TSHZ2: variants seen among roughly 807,000 people sequenced by gnomAD.
The protein encoded by TSHZ2 is teashirt homolog 2.
A neutral mutation model predicts 74.4 loss-of-function variants in TSHZ2; 21 were observed. The observed-to-expected ratio is 0.28, with a 90% confidence interval of 0.20 to 0.41. The LOEUF (loss-of-function observed/expected upper bound fraction) is 0.41, where lower values mean the gene tolerates loss of function less well. TSHZ2 is among the 10% of genes least tolerant of loss of function. TSHZ2 has a pLI of 1.00. For missense variants in TSHZ2, 1,244 were observed against 1,293.5 expected (o/e 0.96, Z 0.59); for synonymous variants, 540 against 515.3 (o/e 1.05, Z -0.65).
At chr20:53,123,994 A>C (rs1189168530) in intron 1 of TSHZ2, among the ~76,000 whole-genome samples, 1 of 152,200 alleles carries the variant, frequency 6.6e-6, no homozygotes, top group African/African-American at 2.4e-5. Flanking sequence ...TGATAGAGAA[A>C]GCAAACTTCA....
At position 53,185,587 on chromosome 20, in the gene TSHZ2, T is replaced by G. The variant is rs1988579508; in HGVS notation, c.41-67912T>G. ...GTGAGCTGAGATCACGCCACTGCAC[T>G]CCAGCTGGGGATACAGAGCAAGACT... is the stretch of plus-strand genomic sequence containing the variant. On this transcript the variant is annotated intron_variant, in intron 1 of 2. Transcript: ENST00000371497. 3 of 1,526,450 alleles carry G rather than the reference T, an allele frequency of 2.0e-6. No homozygotes were observed. The Admixed American group carries it at 5.9e-5, about 30-fold the overall frequency. The allele number at this position is 1,526,450 out of a possible 1,614,324, so 94.6% of individuals were successfully genotyped here.
At chr20:52,981,616 T>C (rs1168411067) in intron 1 of TSHZ2, among the ~76,000 whole-genome samples, 1 of 152,082 alleles carries the variant, frequency 6.6e-6, no homozygotes, top group Non-Finnish European at 1.5e-5. Flanking sequence ...AAACCAGATA[T>C]GGATGGATTT....
At chr20:53,251,172 G>A (rs1258441529) in intron 1 of TSHZ2, among the ~76,000 whole-genome samples, 2 of 152,130 alleles carry the variant, frequency 1.3e-5, no homozygotes, top group Non-Finnish European at 2.9e-5. Flanking sequence ...GTTACCCACA[G>A]GTGTTGTCAC....
At chr20:53,003,619 G>T (rs1982525401) in intron 1 of TSHZ2, among the ~76,000 whole-genome samples, 1 of 152,248 alleles carries the variant, frequency 6.6e-6, no homozygotes, top group South Asian at 2.1e-4. Context: ...TAGTTGGCAG[G>T]CAGAGTGTTT....
intron 2 of TSHZ2, among the ~76,000 whole-genome samples, chr20:53,296,035 CA>C (rs35311773): frequency 0.11 from 10,513 of 97,830 alleles, 1,100 homozygotes; most frequent in African/African-American, 0.31. Context: ...GTAATGACTG[CA>C]AAAAAAAAAA....
At chr20:53,123,841 A>G (rs1204460334) in intron 1 of TSHZ2, among the ~76,000 whole-genome samples, 1 of 152,176 alleles carries the variant, frequency 6.6e-6, no homozygotes, top group Non-Finnish European at 1.5e-5. Flanking sequence ...GAACCCATAC[A>G]TGCCTGGTTC....
At chr20:53,415,765 T>C (rs369976567) in intron 2 of TSHZ2, among the ~76,000 whole-genome samples, 1 of 1,516 alleles carries the variant, frequency 6.6e-4, no homozygotes, top group African/African-American at 2.2e-3. Context: ...ACATGCATGC[T>C]TGTGTACTAT....
chr20:53,480,280 G>A (rs547277487), intron 2 of TSHZ2, among the ~76,000 whole-genome samples: 31 of 151,886 alleles, frequency 2.0e-4, no homozygotes, highest in African/African-American at 7.5e-4. Context: ...TGTTGGCCAG[G>A]CTGGTCTTTA....
chr20:53,105,718 C>T (rs1405254760), intron 1 of TSHZ2, among the ~76,000 whole-genome samples: 1 of 151,928 alleles, frequency 6.6e-6, no homozygotes, highest in Non-Finnish European at 1.5e-5. Flanking sequence ...GCAATCACAC[C>T]CCACTATAGC....
In TSHZ2 at chr20:53,435,670, C is replaced by T. The variant is rs527687898; in HGVS notation, c.*9-51474C>T. The stretch of plus-strand genomic sequence containing the variant: ...CTGGGATTACAGGCGCGTGTCACCA[C>T]GCCTGGCTAATTTTTTGTATTTTTA... On this transcript the variant is annotated intron_variant, in intron 2 of 2. Transcript: ENST00000371497. Among the ~76,000 whole-genome samples, 10 of 152,266 alleles carry T rather than the reference C, an allele frequency of 6.6e-5. No homozygotes were observed. The East Asian group carries it at 1.7e-3, about 26-fold the overall frequency.
chr20:53,211,377 C>A (rs1989300195), intron 1 of TSHZ2, among the ~76,000 whole-genome samples: 1 of 152,128 alleles, frequency 6.6e-6, no homozygotes, highest in African/African-American at 2.4e-5. Context: ...CCATTAAGCA[C>A]TGTAGGCTCA....
rs771576075 is a variant in TSHZ2 at position 53,255,596 on chromosome 20, T to G, written c.2138T>G (p.Leu713Trp). Residue 713 changes from leucine (L) to tryptophan (W), a missense_variant, in exon 2 of 3, where the codon TTG becomes TGG. By Grantham distance (61) the Leu-to-Trp change is moderately conservative. Transcript: ENST00000371497. This position sits in a 1 kb window ranked among gnomAD's most constrained non-coding sequence, Gnocchi z 4.1. ...NNHLGKATEP[L>W]RSPSCSSPSS... ...CACTTGGGCAAAGCCACGGAGCCCTTGCGCTCACCTTCCTGCTCCAGCCCA... is the reference window on the plus strand; with the variant it reads ...CACTTGGGCAAAGCCACGGAGCCCTGGCGCTCACCTTCCTGCTCCAGCCCA... The G allele has an allele frequency of 2.0e-5, 32 of 1,583,620 alleles. No individual in the cohort carries two copies. The highest frequency in any genetic ancestry group is 2.5e-5 in the Non-Finnish European group (29 of 1,165,486).
At chr20:53,107,244 T>C (rs987404478) in intron 1 of TSHZ2, among the ~76,000 whole-genome samples, 12 of 152,180 alleles carry the variant, frequency 7.9e-5, no homozygotes, top group African/African-American at 2.9e-4. Context: ...GTTGAGAACA[T>C]AAACTCTGGA....
In TSHZ2 at chr20:53,079,983, A is replaced by G. The variant is rs148422517; in HGVS notation, c.40+106650A>G. On this transcript the variant is annotated intron_variant, in intron 1 of 2. Coordinates refer to ENST00000371497, the MANE Select transcript of TSHZ2 (RefSeq NM_173485.6). ...AGTCTCTTCAAGTTGTTGTTGCCCA[A>G]TGAAAACTTGTTGCCTAGCTAACTG... Among the ~76,000 whole-genome samples the G allele has an allele frequency of 4.2e-3, 647 of 152,296 alleles. 11 individuals carry two copies. Among genetic ancestry groups the G allele is most frequent in the East Asian group, 0.032 (166 of 5,176 alleles).
At chr20:53,233,874 G>T (rs984770671) in intron 1 of TSHZ2, among the ~76,000 whole-genome samples, 1 of 152,102 alleles carries the variant, frequency 6.6e-6, no homozygotes, top group African/African-American at 2.4e-5. Flanking sequence ...GACATGGAAG[G>T]GTGCAATAAA....
rs1440485612 is a variant in TSHZ2 at position 53,255,005 on chromosome 20, T to A, written c.1547T>A (p.Ile516Asn). 6.2e-7 allele frequency: 1 copy of A among 1,614,118 alleles called. No individual in the cohort carries two copies. ...GATGGCTCAAAGGGTGGAGGGGACA[T>A]TTTGAAATCTTTGGAAAATACTGTC... is the stretch of plus-strand genomic sequence containing the variant. Reference protein sequence around the residue: ...LEDGSKGGGDILKSLENTVTT... With the variant: ...LEDGSKGGGDNLKSLENTVTT... The change falls in exon 2 of 3, where the codon ATT becomes AAT. Residue 516 changes from isoleucine (I) to asparagine (N), a missense_variant. Physicochemically the swap from Ile to Asn is moderately radical, Grantham distance 149 (BLOSUM62 -3). This residue lies in a region of TSHZ2 where 562 missense variants were observed against 544.0 expected (regional missense o/e 1.03). Transcript: ENST00000371497. This position sits in a 1 kb window ranked among gnomAD's most constrained non-coding sequence, Gnocchi z 4.1.
At chr20:53,125,868 T>C (rs1183978908) in intron 1 of TSHZ2, among the ~76,000 whole-genome samples, 4 of 152,242 alleles carry the variant, frequency 2.6e-5, no homozygotes, top group Non-Finnish European at 5.9e-5. Context: ...GATATTTCAA[T>C]ATCTCTGCAA....
Position 53,140,311 on chromosome 20 carries a change from C to CGG in TSHZ2, c.41-113186_41-113185dup, listed in dbSNP as rs1987357083. On this transcript the variant is annotated intron_variant, in intron 1 of 2. Transcript: ENST00000371497. ...ATCCCAGCACTTTGGGAGGCTGAGG[C>CGG]GGGCAGATCACGAGGTCAGGAGATC... is the stretch of plus-strand genomic sequence containing the variant. Among the ~76,000 whole-genome samples, 5 of 151,986 alleles carry CGG rather than the reference C, an allele frequency of 3.3e-5. No homozygotes were observed. The South Asian group carries it at 1.0e-3, about 32-fold the overall frequency.
chr20:53,262,155 C>T (rs976727265), intron 2 of TSHZ2, among the ~76,000 whole-genome samples: 1 of 151,954 alleles, frequency 6.6e-6, no homozygotes, highest in Non-Finnish European at 1.5e-5. Context: ...CCCAACCTGC[C>T]ACCAAACAAA....
Sources: allele counts gnomAD v4.1 joint callset (sites outside exome capture counted in the v4.1 genomes callset), GRCh38; gene constraint gnomAD v4.1.1; regional missense constraint gnomAD v4.1.1; non-coding constraint Gnocchi (gnomAD v3.1); transcripts MANE v1.5; gene names NCBI Gene and HGNC (gene_info 2026-07-23, HGNC 2026-07-21).